TRIM35: variants seen among roughly 807,000 people sequenced by gnomAD.
TRIM35 encodes the protein E3 ubiquitin-protein ligase TRIM35.
A neutral mutation model predicts 49.1 loss-of-function variants in TRIM35; 37 were observed. That is an observed-to-expected ratio of 0.75 (90% CI 0.58 to 0.99). The LOEUF (loss-of-function observed/expected upper bound fraction) is 0.99, where lower values mean the gene tolerates loss of function less well. Among genes scored for constraint, TRIM35 ranks in the 50% least tolerant of loss-of-function variants. The pLI is 0.00. For synonymous variants in TRIM35, 302 were observed against 289.3 expected, an observed-to-expected ratio of 1.04 and a Z score of -0.45; for missense variants, 648 against 702.7, an observed-to-expected ratio of 0.92 and a Z score of 0.88.
intron 4 of TRIM35, 93 bp from the exon 5 acceptor site, chr8:27,289,373 C>T: frequency 9.7e-7 from 1 of 1,033,954 alleles, no homozygotes; most frequent in Non-Finnish European, 1.5e-6. Context: ...GGACTTGTTC[C>T]CTTCCCTCAG....
intron 1 of TRIM35, among the ~76,000 whole-genome samples, chr8:27,300,769 C>T (rs1275036475): frequency 6.6e-6 from 1 of 152,106 alleles, no homozygotes; most frequent in African/African-American, 2.4e-5. Flanking sequence ...TGCATGAGTG[C>T]CCCCACAAAA....
intron 2 of TRIM35, among the ~76,000 whole-genome samples, chr8:27,295,026 G>A (rs888509067): frequency 4.6e-5 from 7 of 152,092 alleles, no homozygotes; most frequent in East Asian, 1.9e-4. Flanking sequence ...GTTTTGCCAC[G>A]TTGGTCAGGC....
At position 27,287,707 on chromosome 8, in the gene TRIM35, T is replaced by G; in HGVS notation, c.1325A>C (p.Tyr442Ser). 2 of 1,610,596 alleles carry G rather than the reference T, an allele frequency of 1.2e-6. No homozygotes were observed. Among genetic ancestry groups the G allele is most frequent in the Non-Finnish European group, 1.7e-6 (2 of 1,178,746 alleles). ...LECEEGELSF[Y>S]DAERHCHLYT... ...CAGGTGGCAGTGGCGCTCCGCGTCA[T>G]AGAAAGACAGCTCGCCCTCCTCACA... Residue 442 changes from tyrosine (Y) to serine (S), a missense_variant, in exon 6 of 6, where the codon TAT becomes TCT. Transcript: ENST00000305364. This position sits in a 1 kb window ranked among gnomAD's most constrained non-coding sequence, Gnocchi z 6.0.
intron 2 of TRIM35, 38 bp downstream of exon 2, chr8:27,298,426 G>A: frequency 6.3e-7 from 1 of 1,594,044 alleles, no homozygotes. Flanking sequence ...TGCCCTGAGT[G>A]GACCCAATCT....
chr8:27,288,237 C>T, intron 5 of TRIM35, 110 bp from the exon 6 acceptor site: 1 of 1,100,704 alleles, frequency 9.1e-7, no homozygotes, highest in South Asian at 1.6e-5. Flanking sequence ...GGCCCCAAGT[C>T]CATGCAAGGA....
chr8:27,301,420 G>A (rs892298051), intron 1 of TRIM35, among the ~76,000 whole-genome samples: 1 of 152,184 alleles, frequency 6.6e-6, no homozygotes, highest in African/African-American at 2.4e-5. Context: ...ACTGCGTAAT[G>A]CCAAATTGTT....
intron 1 of TRIM35, among the ~76,000 whole-genome samples, chr8:27,306,368 C>G (rs1802785801): frequency 6.8e-6 from 1 of 147,966 alleles, no homozygotes; most frequent in Non-Finnish European, 1.5e-5. Context: ...CTCTGTCGTA[C>G]AGGCTGGAGG....
At chr8:27,291,294 C>G (rs374582750) in intron 3 of TRIM35, among the ~76,000 whole-genome samples, 1 of 152,018 alleles carries the variant, frequency 6.6e-6, no homozygotes, top group African/African-American at 2.4e-5. Context: ...GATCAAAAAG[C>G]CCATGAAAAG....
chr8:27,287,529 C>T lies in TRIM35; in HGVS notation c.*21G>A. On this transcript the variant is annotated 3_prime_UTR_variant, in exon 6 of 6. Coordinates refer to ENST00000305364, the MANE Select transcript of TRIM35 (RefSeq NM_171982.5). This position sits in a 1 kb window ranked among gnomAD's most constrained non-coding sequence, Gnocchi z 6.0. ...AAGAAAACAGTGCTGTGGCACAAGA[C>T]CGGGGCAGCCCCGGGCCAGCTCAGC... 1 of 1,530,906 alleles carries T rather than the reference C, an allele frequency of 6.5e-7. No homozygotes were observed. Among genetic ancestry groups the T allele is most frequent in the East Asian group, 2.4e-5 (1 of 42,170 alleles). 94.8% of individuals were successfully genotyped at this position (1,530,906 alleles called of 1,614,324 possible).
chr8:27,299,418 C>T (rs1802639517), intron 1 of TRIM35, among the ~76,000 whole-genome samples: 1 of 152,182 alleles, frequency 6.6e-6, no homozygotes. Flanking sequence ...GTGCCAGGGA[C>T]AACACCAATT....
chr8:27,291,604 T>C (rs1383970300), intron 3 of TRIM35, among the ~76,000 whole-genome samples: 5 of 152,248 alleles, frequency 3.3e-5, no homozygotes, highest in Non-Finnish European at 5.9e-5. Flanking sequence ...TACCTGAATG[T>C]TTATAGTCAT....
At chr8:27,305,058 T>TGGATAAGAG (rs1474123744) in intron 1 of TRIM35, among the ~76,000 whole-genome samples, 3 of 152,198 alleles carry the variant, frequency 2.0e-5, no homozygotes, top group Non-Finnish European at 4.4e-5. Context: ...TTTCCTCATC[T>TGGATAAGAG]GGATAAGAGG....
chr8:27,293,262 C>A (rs946032571), intron 3 of TRIM35, among the ~76,000 whole-genome samples: 1 of 152,010 alleles, frequency 6.6e-6, no homozygotes, highest in Admixed American at 6.5e-5. Flanking sequence ...ACCACCCTGG[C>A]CAGTTTACAG....
At chr8:27,294,526 C>A (rs975855435) in intron 2 of TRIM35, among the ~76,000 whole-genome samples, 2 of 152,184 alleles carry the variant, frequency 1.3e-5, no homozygotes, top group Admixed American at 6.5e-5. Flanking sequence ...ATTGTTTTGA[C>A]AGGGTTTTTA....
At chr8:27,297,014 A>G (rs557623214) in intron 2 of TRIM35, among the ~76,000 whole-genome samples, 68 of 152,232 alleles carry the variant, frequency 4.5e-4, no homozygotes, top group African/African-American at 1.6e-3. Flanking sequence ...GGAGGGGATT[A>G]GCTTGGAGGG....
intron 3 of TRIM35, 120 bp from the exon 4 acceptor site, chr8:27,290,298 G>A (rs941866583): frequency 9.3e-6 from 9 of 969,238 alleles, no homozygotes; most frequent in Non-Finnish European, 1.4e-5. Context: ...TTGTCAAGAT[G>A]TTAACAATAA....
chr8:27,288,604 T>C (rs1802387990), intron 5 of TRIM35, among the ~76,000 whole-genome samples: 1 of 152,118 alleles, frequency 6.6e-6, no homozygotes, highest in Admixed American at 6.5e-5. Context: ...CCTTCCAACA[T>C]CTGGATTTTG....
chr8:27,296,901 A>G (rs535389491), intron 2 of TRIM35, among the ~76,000 whole-genome samples: 6 of 152,368 alleles, frequency 3.9e-5, no homozygotes, highest in Admixed American at 3.3e-4. Flanking sequence ...ATTAGACATC[A>G]GAAATGTTAA....
intron 2 of TRIM35, 31 bp downstream of exon 2, chr8:27,298,433 A>G: frequency 6.2e-7 from 1 of 1,606,746 alleles, no homozygotes; most frequent in African/African-American, 1.3e-5. Flanking sequence ...AGTGGACCCA[A>G]TCTTCCCACT....
Sources: allele counts gnomAD v4.1 joint callset (sites outside exome capture counted in the v4.1 genomes callset), GRCh38; gene constraint gnomAD v4.1.1; non-coding constraint Gnocchi (gnomAD v3.1); transcripts MANE v1.5; gene names NCBI Gene and HGNC (gene_info 2026-07-23, HGNC 2026-07-21).